TPCN1: variants seen among roughly 807,000 people sequenced by gnomAD.
The protein encoded by TPCN1 is two pore segment channel 1.
In TPCN1, 52 loss-of-function variants were observed where a neutral mutation model predicts 108.8. That is an observed-to-expected ratio of 0.48 (90% CI 0.38 to 0.60). TPCN1 has a LOEUF of 0.60. TPCN1 is among the 20% of genes least tolerant of loss of function. TPCN1 has a pLI of 0.00. For synonymous variants in TPCN1, 446 were observed against 433.7 expected (o/e 1.03, Z -0.35); for missense variants, 806 against 1,072.8 (o/e 0.75, Z 3.47).
intron 17 of TPCN1, among the ~76,000 whole-genome samples, 155 bp from the exon 18 acceptor site, chr12:113,285,734 T>G (rs982077195): frequency 3.3e-5 from 5 of 152,232 alleles, no homozygotes; most frequent in African/African-American, 1.2e-4. Flanking sequence ...CTGGAGCACC[T>G]GCTCTCACGC....
chr12:113,259,915 A>G (rs1293502440), intron 2 of TPCN1, among the ~76,000 whole-genome samples: 1 of 152,218 alleles, frequency 6.6e-6, no homozygotes, highest in Admixed American at 6.5e-5. Flanking sequence ...ACCAGGGGAC[A>G]AATCCAGTTG....
chr12:113,286,314 G>GACC, intron 18 of TPCN1, among the ~76,000 whole-genome samples: 1 of 139,578 alleles, frequency 7.2e-6, no homozygotes, highest in Non-Finnish European at 1.6e-5. Flanking sequence ...GCAGTAATGA[G>GACC]ACCCCATGTG....
At chr12:113,265,221 AT>A (rs1955209550) in intron 3 of TPCN1, among the ~76,000 whole-genome samples, 1 of 152,200 alleles carries the variant, frequency 6.6e-6, no homozygotes, top group African/African-American at 2.4e-5. Flanking sequence ...ATAATAGCAA[AT>A]ACCTGTAGTG....
intron 23 of TPCN1, 171 bp from the exon 24 acceptor site, chr12:113,291,438 T>G: frequency 1.6e-6 from 1 of 630,920 alleles, no homozygotes; most frequent in South Asian, 1.9e-5. Context: ...CCTTCAGCAG[T>G]CAGGAATTAG....
In TPCN1 at chr12:113,288,964, A is replaced by AGGTGGTTG; in HGVS notation, c.1796+117_1796+118insGGTGGTTG. On this transcript the variant is annotated intron_variant, in intron 21 of 27. Transcript: ENST00000335509. The surrounding 1 kb of genome is among the most constrained non-coding windows in gnomAD (Gnocchi z 4.8). ...CCTCGGGGATGTTCCTGTCTAAGCAACCACCTTGCTTTGCTTTCAGGGCTT... is the reference window on the plus strand; with the variant it reads ...CCTCGGGGATGTTCCTGTCTAAGCAAGGTGGTTGCCACCTTGCTTTGCTTTCAGGGCTT... 9.9e-7 allele frequency: 1 copy of AGGTGGTTG among 1,012,844 alleles called. No homozygotes were observed. Among genetic ancestry groups the AGGTGGTTG allele is most frequent in the Non-Finnish European group, 1.5e-6 (1 of 657,084 alleles). 62.7% of individuals were successfully genotyped at this position (1,012,844 alleles called of 1,614,324 possible).
At chr12:113,227,822 C>T (rs1953529336) in intron 2 of TPCN1, among the ~76,000 whole-genome samples, 1 of 152,170 alleles carries the variant, frequency 6.6e-6, no homozygotes, top group Non-Finnish European at 1.5e-5. Context: ...CTCATTTGTC[C>T]AGGGAGAATT....
At chr12:113,244,872 A>T in intron 2 of TPCN1, 1 of 629,966 alleles carries the variant, frequency 1.6e-6, no homozygotes, top group Non-Finnish European at 2.0e-6. Context: ...GCACAGCTGG[A>T]GTGAACTTGG....
chr12:113,291,645 C>G lies in TPCN1; in HGVS notation c.1996C>G (p.Leu666Val). ...CTCTCAGACCTCCCACTGGAGCCGC[C>G]TCTACTTCATGACCTTTTACATTGT... is the stretch of plus-strand genomic sequence containing the variant. ...VTSQTSHWSR[L>V]YFMTFYIVTM... The change falls in exon 24 of 28, where the codon CTC (leucine) becomes GTC (valine). Residue 666 changes from leucine to valine, a missense_variant. Coordinates refer to ENST00000335509, the MANE Select transcript of TPCN1 (RefSeq NM_017901.6). The G allele has an allele frequency of 6.2e-7, 1 of 1,613,902 alleles. No individual in the cohort carries two copies. The highest frequency in any genetic ancestry group is 8.5e-7 in the Non-Finnish European group (1 of 1,179,922).
intron 2 of TPCN1, among the ~76,000 whole-genome samples, chr12:113,251,860 GC>G (rs1433816494): frequency 8.5e-5 from 13 of 152,234 alleles, no homozygotes; most frequent in Admixed American, 6.5e-5. Flanking sequence ...GATTCATCCT[GC>G]CTCAAGGCGT....
At chr12:113,243,382 A>T (rs1314261815) in intron 2 of TPCN1, among the ~76,000 whole-genome samples, 1 of 151,828 alleles carries the variant, frequency 6.6e-6, no homozygotes, top group African/African-American at 2.4e-5. Flanking sequence ...AAAAAAAAAA[A>T]TACTACATCC....
chr12:113,280,226 C>A, intron 15 of TPCN1, 31 bp downstream of exon 15: 1 of 1,591,464 alleles, frequency 6.3e-7, no homozygotes, highest in Non-Finnish European at 8.6e-7. Context: ...CTCTAGGCCA[C>A]TTTCCCCCTG....
chr12:113,260,401 C>T lies in TPCN1; in HGVS notation c.146C>T (p.Ala49Val), dbSNP rs768147517. 4 of 1,521,292 alleles carry T rather than the reference C, an allele frequency of 2.6e-6. No homozygotes were observed. Among genetic ancestry groups the T allele is most frequent in the Admixed American group, 2.4e-5 (1 of 41,094 alleles). 94.2% of individuals were successfully genotyped at this position (1,521,292 alleles called of 1,614,324 possible). Residue 49 changes from alanine (A) to valine (V), a missense_variant, in exon 3 of 28, where the codon GCC (alanine) becomes GTC (valine). Physicochemically the swap from Ala to Val is moderately conservative, Grantham distance 64 (BLOSUM62 0). Transcript: ENST00000335509. The part of the protein sequence containing the change: ...GGSYAIHDSQ[A>V]PSLSSGGESS... ...AGCTATGCCATCCACGACTCCCAGG[C>T]CCCCAGTCTCAGCTCTGGGGGTGAG...
At chr12:113,243,369 C>CA (rs112606897) in intron 2 of TPCN1, among the ~76,000 whole-genome samples, 10,751 of 139,280 alleles carry the variant, frequency 0.077, 437 homozygotes, top group Middle Eastern at 0.14. Context: ...GACCCTGTCT[C>CA]AAAAAAAAAA....
rs1162964904 is a variant in TPCN1, at chr12:113,266,471, A to C, written c.414+115A>C. ...CAAACACTGCAAACGGACTTAAAAC[A>C]GAGAGATACGAGGTGGTCATAGAGG... On this transcript the variant is annotated intron_variant, in intron 4 of 27. Coordinates refer to ENST00000335509, the MANE Select transcript of TPCN1 (RefSeq NM_017901.6). This position sits in a 1 kb window ranked among gnomAD's most constrained non-coding sequence, Gnocchi z 4.2. 1.4e-6 allele frequency: 2 copies of C among 1,391,374 alleles called. No homozygotes were observed. 86.2% of individuals were successfully genotyped at this position (1,391,374 alleles called of 1,614,324 possible). A position where few individuals can be genotyped will look rare whatever the true frequency, so the allele number is the denominator to read the frequency against.
rs1180677543 is a variant in TPCN1 at position 113,296,033 on chromosome 12, A to T, written c.2408A>T (p.Gln803Leu). 5 of 1,613,266 alleles carry T rather than the reference A, an allele frequency of 3.1e-6. No individual in the cohort carries two copies. In the South Asian group the frequency reaches 4.4e-5, roughly 14 times the overall value. The change falls in exon 28 of 28, where the codon CAG (glutamine) becomes CTG (leucine). Residue 803 changes from glutamine (Q) to leucine (L), a missense_variant. Physicochemically the swap from Gln to Leu is moderately radical, Grantham distance 113 (BLOSUM62 -2). Transcript: ENST00000335509. Reference protein sequence around the residue: ...QLSSSAAPAAQQPPGSRQRSQ... With the variant: ...QLSSSAAPAALQPPGSRQRSQ... Reference sequence around the variant, plus strand: ...AGCAGCAGTGCAGCCCCCGCCGCCCAGCAGCCCCCAGGCAGCCGCCAGCGC... The same window carrying T: ...AGCAGCAGTGCAGCCCCCGCCGCCCTGCAGCCCCCAGGCAGCCGCCAGCGC...
intron 2 of TPCN1, among the ~76,000 whole-genome samples, chr12:113,251,168 G>A (rs564201233): frequency 6.6e-6 from 1 of 152,176 alleles, no homozygotes; most frequent in Non-Finnish European, 1.5e-5. Flanking sequence ...GGGCATGGTG[G>A]CACATGCCTA....
chr12:113,274,830 C>G (rs568282682), intron 10 of TPCN1, among the ~76,000 whole-genome samples: 102 of 152,330 alleles, frequency 6.7e-4, no homozygotes, highest in African/African-American at 2.3e-3. Context: ...CAGGCTCATC[C>G]CAGAGCCCTG....
intron 18 of TPCN1, 33 bp from the exon 19 acceptor site, chr12:113,286,954 A>T (rs766533116): frequency 6.4e-7 from 1 of 1,559,858 alleles, no homozygotes; most frequent in Non-Finnish European, 8.8e-7. Context: ...GCTCAGGGCC[A>T]CAGGGTGGAC....
chr12:113,235,986 G>A (rs1037024496), intron 2 of TPCN1, among the ~76,000 whole-genome samples: 5 of 152,210 alleles, frequency 3.3e-5, no homozygotes, highest in African/African-American at 9.7e-5. Flanking sequence ...AGAGGGTTGG[G>A]GAGAAAGGTT....
Sources: gnomAD v4.1 joint callset for allele counts (sites outside exome capture counted in the v4.1 genomes callset) on GRCh38, gnomAD v4.1.1 for gene constraint, Gnocchi (gnomAD v3.1) non-coding constraint, MANE v1.5 for transcripts, NCBI Gene and HGNC (gene_info 2026-07-23, HGNC 2026-07-21) for gene names.